PRKCA: variants seen among roughly 807,000 people sequenced by gnomAD.
The protein encoded by PRKCA is protein kinase C alpha type.
Under a neutral mutation model 87.0 loss-of-function variants are expected in PRKCA, and 27 were observed. That is an observed-to-expected ratio of 0.31 (90% CI 0.23 to 0.43). PRKCA has a LOEUF of 0.43. Among genes scored for constraint, PRKCA ranks in the 20% least tolerant of loss-of-function variants. PRKCA has a pLI of 1.00. For missense variants in PRKCA, 518 were observed against 852.3 expected (o/e 0.61, Z 4.88); for synonymous variants, 329 against 311.1 (o/e 1.06, Z -0.61).
intron 5 of PRKCA, among the ~76,000 whole-genome samples, chr17:66,659,368 C>T (rs868170161): frequency 1.3e-5 from 2 of 152,104 alleles, no homozygotes; most frequent in South Asian, 4.1e-4. Flanking sequence ...GGGTACTCAC[C>T]TTCTTCCTCC....
chr17:66,554,531 G>A, intron 3 of PRKCA: 3 of 961,250 alleles, frequency 3.1e-6, no homozygotes, highest in Non-Finnish European at 3.7e-6. Context: ...CTTCTCCCCT[G>A]TATTGCTAGT....
intron 16 of PRKCA, among the ~76,000 whole-genome samples, chr17:66,789,232 G>A (rs1252053002): frequency 6.6e-6 from 1 of 152,228 alleles, no homozygotes; most frequent in East Asian, 1.9e-4. Flanking sequence ...CTGGACAGCT[G>A]CAGAGCACCC....
At chr17:66,570,664 T>G (rs1035514418) in intron 3 of PRKCA, among the ~76,000 whole-genome samples, 1 of 152,218 alleles carries the variant, frequency 6.6e-6, no homozygotes, top group African/African-American at 2.4e-5. Flanking sequence ...TGCCATGCCT[T>G]ACTAGTTTTG....
intron 2 of PRKCA, among the ~76,000 whole-genome samples, chr17:66,477,711 C>T (rs1397754703): frequency 6.6e-6 from 1 of 152,126 alleles, no homozygotes; most frequent in Non-Finnish European, 1.5e-5. Flanking sequence ...AAACAAAAAA[C>T]AAACACAGCT....
chr17:66,323,082 A>G (rs1449682532), intron 2 of PRKCA, among the ~76,000 whole-genome samples: 1 of 152,176 alleles, frequency 6.6e-6, no homozygotes, highest in Non-Finnish European at 1.5e-5. Context: ...GCATATTTCA[A>G]AATAATTGCA....
At chr17:66,573,822 A>G (rs1223189298) in intron 3 of PRKCA, among the ~76,000 whole-genome samples, 3 of 152,192 alleles carry the variant, frequency 2.0e-5, no homozygotes, top group Admixed American at 6.5e-5. Flanking sequence ...ACCTTTAAAT[A>G]AACACCTAGA....
intron 2 of PRKCA, among the ~76,000 whole-genome samples, chr17:66,494,122 C>G (rs1916361358): frequency 2.0e-5 from 3 of 152,314 alleles, no homozygotes; most frequent in African/African-American, 7.2e-5. Flanking sequence ...CCACCCTCTT[C>G]CACCTACGGA....
At chr17:66,568,064 C>T (rs1412423053) in intron 3 of PRKCA, among the ~76,000 whole-genome samples, 1 of 152,142 alleles carries the variant, frequency 6.6e-6, no homozygotes, top group Non-Finnish European at 1.5e-5. Context: ...CCTGTAATCC[C>T]AGAACTTTGG....
chr17:66,741,338 G>C (rs1008984024), intron 11 of PRKCA, among the ~76,000 whole-genome samples: 7 of 152,158 alleles, frequency 4.6e-5, no homozygotes, highest in Admixed American at 1.3e-4. Context: ...CCATACTCCT[G>C]ATATAGAATA....
At chr17:66,418,165 G>A (rs1269140377) in intron 2 of PRKCA, among the ~76,000 whole-genome samples, 1 of 152,132 alleles carries the variant, frequency 6.6e-6, no homozygotes, top group Non-Finnish European at 1.5e-5. Flanking sequence ...GAAAAAGATG[G>A]GAATGGCTTG....
chr17:66,720,097 A>G (rs1973576323), intron 8 of PRKCA, among the ~76,000 whole-genome samples: 1 of 152,252 alleles, frequency 6.6e-6, no homozygotes, highest in South Asian at 2.1e-4. Context: ...ACAAACAAGT[A>G]GAGAAATACA....
chr17:66,509,178 A>ATGTG (rs35472661), intron 3 of PRKCA, among the ~76,000 whole-genome samples: 18,774 of 147,070 alleles, frequency 0.13, 1,342 homozygotes, highest in Middle Eastern at 0.17. Flanking sequence ...GTGTGTGTGT[A>ATGTG]TGTGTGTGTG....
At chr17:66,365,248 C>A (rs767842735) in intron 2 of PRKCA, among the ~76,000 whole-genome samples, 12 of 152,106 alleles carry the variant, frequency 7.9e-5, no homozygotes, top group Non-Finnish European at 1.3e-4. Context: ...GGATTTCTGG[C>A]ATCTATTGAG....
chr17:66,403,072 T>C (rs762666101), intron 2 of PRKCA, among the ~76,000 whole-genome samples: 1 of 152,232 alleles, frequency 6.6e-6, no homozygotes, highest in Non-Finnish European at 1.5e-5. Flanking sequence ...TGACATTCTG[T>C]TATTTTAACA....
chr17:66,779,529 G>A (rs938333304), intron 14 of PRKCA, among the ~76,000 whole-genome samples: 1 of 151,916 alleles, frequency 6.6e-6, no homozygotes, highest in Admixed American at 6.6e-5. Flanking sequence ...TCTTAACTTC[G>A]GCCTGAATTG....
chr17:66,622,816 A>G (rs1005324245), intron 3 of PRKCA, among the ~76,000 whole-genome samples: 1 of 152,208 alleles, frequency 6.6e-6, no homozygotes, highest in African/African-American at 2.4e-5. Context: ...TTATAAAACC[A>G]TCAGATCTTG....
chr17:66,513,106 C>T (rs767795958), intron 3 of PRKCA, among the ~76,000 whole-genome samples: 17 of 152,190 alleles, frequency 1.1e-4, no homozygotes, highest in African/African-American at 2.7e-4. Context: ...TTGAAAGCAC[C>T]GTGAGAGCAG....
chr17:66,492,562 A>G (rs1203933875), intron 2 of PRKCA, among the ~76,000 whole-genome samples: 1 of 152,220 alleles, frequency 6.6e-6, no homozygotes, highest in East Asian at 1.9e-4. Flanking sequence ...GGGAATAGGA[A>G]TGCTTATTTT....
At chr17:66,337,034 G>A (rs1386702601) in intron 2 of PRKCA, among the ~76,000 whole-genome samples, 18 of 152,038 alleles carry the variant, frequency 1.2e-4, no homozygotes, top group Admixed American at 1.3e-4. Flanking sequence ...TAGGTGATCC[G>A]CCCTCCTCGG....
Sources: allele counts gnomAD v4.1 joint callset (sites outside exome capture counted in the v4.1 genomes callset), GRCh38; gene constraint gnomAD v4.1.1; transcripts MANE v1.5; gene names NCBI Gene and HGNC (gene_info 2026-07-23, HGNC 2026-07-21).